POFUT3: variants seen among roughly 807,000 people sequenced by gnomAD.
POFUT3 encodes the protein GDP-fucose protein O-fucosyltransferase 3.
At chr8:33,380,590 A>G in the POFUT3 span, among the ~76,000 whole-genome samples, 1 of 152,080 alleles carries the variant, frequency 6.6e-6, no homozygotes, top group Non-Finnish European at 1.5e-5. Context: ...TAATCCCAGC[A>G]CTTTGGGAGG....
the POFUT3 span, among the ~76,000 whole-genome samples, chr8:33,448,195 T>TTTA: frequency 6.7e-6 from 1 of 149,372 alleles, no homozygotes; most frequent in Non-Finnish European, 1.5e-5. Flanking sequence ...AATTTTTTTT[T>TTTA]ATTAGCCAGA....
At chr8:33,326,376 A>T in the POFUT3 span, among the ~76,000 whole-genome samples, 39 of 152,208 alleles carry the variant, frequency 2.6e-4, no homozygotes, top group African/African-American at 8.2e-4. Context: ...CTCTACGTCT[A>T]TCTGAGTATC....
chr8:33,402,432 T>A, the POFUT3 span, among the ~76,000 whole-genome samples: 1 of 152,174 alleles, frequency 6.6e-6, no homozygotes, highest in Non-Finnish European at 1.5e-5. Flanking sequence ...CCTGCAGTGT[T>A]CCACTCCATT....
chr8:33,450,605 G>A, the POFUT3 span, among the ~76,000 whole-genome samples: 9 of 152,266 alleles, frequency 5.9e-5, no homozygotes, highest in Admixed American at 4.6e-4. Flanking sequence ...AATCAGAGGC[G>A]TTGAGCTTGG....
the POFUT3 span, among the ~76,000 whole-genome samples, chr8:33,308,554 T>A: frequency 6.6e-6 from 1 of 152,098 alleles, no homozygotes; most frequent in Admixed American, 6.6e-5. Flanking sequence ...GAGGAAAAAT[T>A]AAATATTCAA....
chr8:33,461,250 C>G, the POFUT3 span: 2 of 987,036 alleles, frequency 2.0e-6, no homozygotes, highest in Non-Finnish European at 2.9e-6. Context: ...AGGAACCAAC[C>G]CTGATCCTGA....
At chr8:33,380,228 T>C in the POFUT3 span, among the ~76,000 whole-genome samples, 35 of 82,008 alleles carry the variant, frequency 4.3e-4, no homozygotes, top group African/African-American at 4.2e-4. Flanking sequence ...TATATATATA[T>C]ACTATATATA....
chr8:33,339,940 G>A, the POFUT3 span, among the ~76,000 whole-genome samples: 3 of 152,074 alleles, frequency 2.0e-5, no homozygotes, highest in South Asian at 6.2e-4. Context: ...GTTCTTAAAA[G>A]GAAGAAAATT....
chr8:33,468,337 GA>G, the POFUT3 span, among the ~76,000 whole-genome samples: 1 of 152,106 alleles, frequency 6.6e-6, no homozygotes, highest in Non-Finnish European at 1.5e-5. Flanking sequence ...AGGCAAGGCA[GA>G]AGGCAGGGAG....
chr8:33,442,299 T>G, the POFUT3 span, among the ~76,000 whole-genome samples: 14 of 133,300 alleles, frequency 1.1e-4, no homozygotes, highest in African/African-American at 4.0e-4. Context: ...TCTTTTTTTT[T>G]TGGGGGGGGA....
chr8:33,320,976 G>A, the POFUT3 span, among the ~76,000 whole-genome samples: 381 of 152,112 alleles, frequency 2.5e-3, 1 homozygote, highest in African/African-American at 8.7e-3. Flanking sequence ...TCATTGGAAC[G>A]CCATTTTTAG....
chr8:33,449,618 C>T, the POFUT3 span, among the ~76,000 whole-genome samples: 2 of 151,956 alleles, frequency 1.3e-5, no homozygotes, highest in Non-Finnish European at 2.9e-5. Flanking sequence ...GTGGTTTTAA[C>T]TCCAGGGACT....
the POFUT3 span, among the ~76,000 whole-genome samples, chr8:33,355,569 T>C: frequency 6.6e-6 from 1 of 152,204 alleles, no homozygotes; most frequent in Non-Finnish European, 1.5e-5. Flanking sequence ...GGTTTGAAAT[T>C]TGGATCTGCC....
chr8:33,345,611 G>A, the POFUT3 span, among the ~76,000 whole-genome samples: 1 of 151,346 alleles, frequency 6.6e-6, no homozygotes, highest in South Asian at 2.1e-4. Context: ...ATGTTGACCA[G>A]GCTGGTTTCA....
chr8:33,387,425 CTG>C, the POFUT3 span, among the ~76,000 whole-genome samples: 1 of 152,168 alleles, frequency 6.6e-6, no homozygotes, highest in African/African-American at 2.4e-5. Flanking sequence ...ATTTCACACA[CTG>C]TTTAGGTTTA....
At chr8:33,314,109 G>A in the POFUT3 span, among the ~76,000 whole-genome samples, 13,652 of 152,084 alleles carry the variant, frequency 0.09, 1,145 homozygotes, top group African/African-American at 0.21. Context: ...AGTTATCATC[G>A]GCCTATTTTT....
At chr8:33,318,467 T>C in the POFUT3 span, among the ~76,000 whole-genome samples, 1 of 134,122 alleles carries the variant, frequency 7.5e-6, no homozygotes, top group Non-Finnish European at 1.5e-5. Flanking sequence ...TGAATTCTAT[T>C]ATATTATTAT....
the POFUT3 span, among the ~76,000 whole-genome samples, chr8:33,438,794 G>A: frequency 1.3e-5 from 2 of 152,160 alleles, no homozygotes; most frequent in Non-Finnish European, 2.9e-5. Context: ...AGAGCCGAGC[G>A]AAAGGGGAAG....
chr8:33,388,664 CT>C, the POFUT3 span, among the ~76,000 whole-genome samples: 2 of 152,080 alleles, frequency 1.3e-5, no homozygotes, highest in Non-Finnish European at 2.9e-5. Context: ...ATGTTAGGGA[CT>C]CTTCCCCTTT....
Sources: allele counts gnomAD v4.1 joint callset (sites outside exome capture counted in the v4.1 genomes callset), GRCh38; gene constraint gnomAD v4.1.1; transcripts MANE v1.5; gene names NCBI Gene and HGNC (gene_info 2026-07-23, HGNC 2026-07-21).